Variants in HDAC9 observed in about 807,000 individuals in gnomAD.
HDAC9 encodes MEF-2 interacting transcription repressor (MITR) protein.
Under a neutral mutation model 139.4 loss-of-function variants are expected in HDAC9, and 41 were observed. The observed-to-expected ratio is 0.29, with a 90% CI of 0.23 to 0.38. HDAC9 has a LOEUF of 0.38. HDAC9 is among the 10% of genes least tolerant of loss of function. The pLI is 1.00. For missense variants in HDAC9, 1,147 were observed against 1,297.0 expected (o/e 0.88, Z 1.78); for synonymous variants, 517 against 476.2 (o/e 1.09, Z -1.12).
chr7:18,988,916 G>T (rs1438598261), intron 25 of HDAC9, among the ~76,000 whole-genome samples: 2 of 137,472 alleles, frequency 1.5e-5, no homozygotes, highest in Non-Finnish European at 3.1e-5. Flanking sequence ...CATTTGCTTG[G>T]TAGATCTTCC....
intron 2 of HDAC9, among the ~76,000 whole-genome samples, chr7:18,239,713 G>A (rs372010086): frequency 6.6e-6 from 1 of 152,138 alleles, no homozygotes; most frequent in Non-Finnish European, 1.5e-5. Context: ...TCTTCCTATA[G>A]TTTAATCAAA....
Position 18,449,847 on chromosome 7 carries a change from G to C in HDAC9, c.-41-46415G>C, listed in dbSNP as rs571242733. Among the ~76,000 whole-genome samples the C allele has an allele frequency of 3.3e-5, 5 of 152,166 alleles. No individual in the cohort carries two copies. In the South Asian group the frequency reaches 1.0e-3, roughly 32 times the overall value. On this transcript the variant is annotated intron_variant, in intron 1 of 3. Transcript: ENST00000413509. ...CTAATTATCTGTTTGCAGTATCTCA[G>C]ATAATGAAAATCTCCAATTTATACC...
At chr7:18,435,915 T>C (rs1791154971) in intron 1 of HDAC9, among the ~76,000 whole-genome samples, 1 of 148,020 alleles carries the variant, frequency 6.8e-6, no homozygotes, top group Admixed American at 6.8e-5. Flanking sequence ...ATATATAATA[T>C]ATAAAGAGAG....
chr7:18,994,608 C>G (rs1055667176), intron 25 of HDAC9, among the ~76,000 whole-genome samples: 1 of 151,894 alleles, frequency 6.6e-6, no homozygotes, highest in Non-Finnish European at 1.5e-5. Context: ...GATTATCATT[C>G]TTTATTTTTA....
At chr7:18,529,549 A>G (rs1166387079) in intron 2 of HDAC9, among the ~76,000 whole-genome samples, 1 of 152,216 alleles carries the variant, frequency 6.6e-6, no homozygotes, top group Non-Finnish European at 1.5e-5. Flanking sequence ...TTTGTTTGTT[A>G]AAAGAATTTG....
intron 14 of HDAC9, among the ~76,000 whole-genome samples, chr7:18,754,053 CATTAT>C (rs1201507370): frequency 6.6e-6 from 1 of 152,068 alleles, no homozygotes; most frequent in Non-Finnish European, 1.5e-5. Flanking sequence ...CATTAGTCCT[CATTAT>C]ATTAGATTAC....
chr7:18,888,996 A>C (rs1239144785), intron 22 of HDAC9, among the ~76,000 whole-genome samples: 1 of 152,212 alleles, frequency 6.6e-6, no homozygotes, highest in South Asian at 2.1e-4. Context: ...TTATTTTACC[A>C]AACAATTGAC....
Position 18,512,087 on chromosome 7 carries a change from G to C in HDAC9, c.22+15763G>C, listed in dbSNP as rs573181911. 2.0e-5 allele frequency among the ~76,000 whole-genome samples: 3 copies of C among 150,278 alleles called. No individual in the cohort carries two copies. The South Asian group carries it at 6.3e-4, about 32-fold the overall frequency. ...TGCAATAAAATTCAGTATACTTCCAGCATAGAAACTCTTATTAAACTAAAA... is the reference window on the plus strand; with the variant it reads ...TGCAATAAAATTCAGTATACTTCCACCATAGAAACTCTTATTAAACTAAAA... On this transcript the variant is annotated intron_variant, in intron 2 of 25. Coordinates refer to ENST00000686413, the MANE Select transcript of HDAC9 (RefSeq NM_178425.4).
At chr7:18,240,805 CCTT>C (rs779335947) in intron 2 of HDAC9, among the ~76,000 whole-genome samples, 1 of 152,214 alleles carries the variant, frequency 6.6e-6, no homozygotes, top group Non-Finnish European at 1.5e-5. Context: ...TCCACACTGG[CCTT>C]CTTGCTGGTT....
intron 1 of HDAC9, among the ~76,000 whole-genome samples, chr7:18,131,126 A>G (rs1405449527): frequency 1.3e-5 from 2 of 152,148 alleles, no homozygotes; most frequent in East Asian, 3.9e-4. Context: ...CAAATTGCAC[A>G]AAGCTTCCAT....
intron 2 of HDAC9, among the ~76,000 whole-genome samples, chr7:18,169,792 A>C (rs1259233728): frequency 1.3e-5 from 2 of 152,088 alleles, no homozygotes; most frequent in Admixed American, 1.3e-4. Flanking sequence ...ACATGAACTC[A>C]TCCTTTTTAT....
At chr7:18,306,054 T>TC (rs763555598) in intron 1 of HDAC9, among the ~76,000 whole-genome samples, 32 of 152,126 alleles carry the variant, frequency 2.1e-4, no homozygotes, top group Middle Eastern at 3.2e-3. Flanking sequence ...CCCAGGAAAC[T>TC]CCAATAGGGG....
At chr7:18,715,182 T>A (rs1784611011) in intron 12 of HDAC9, among the ~76,000 whole-genome samples, 1 of 152,052 alleles carries the variant, frequency 6.6e-6, no homozygotes, top group Non-Finnish European at 1.5e-5. Flanking sequence ...GACATTTTCT[T>A]ACATGCTATG....
At chr7:18,808,838 T>A (rs1447780011) in intron 17 of HDAC9, among the ~76,000 whole-genome samples, 1 of 151,766 alleles carries the variant, frequency 6.6e-6, no homozygotes, top group African/African-American at 2.4e-5. Flanking sequence ...AAAGTAATGT[T>A]AAACAAAAAC....
At chr7:18,898,724 G>C (rs887246428) in intron 22 of HDAC9, among the ~76,000 whole-genome samples, 1 of 151,886 alleles carries the variant, frequency 6.6e-6, no homozygotes, top group Non-Finnish European at 1.5e-5. Context: ...TGGAAAAAAA[G>C]GATAAGACTT....
At chr7:18,146,862 A>G (rs1290608158) in intron 1 of HDAC9, among the ~76,000 whole-genome samples, 1 of 152,148 alleles carries the variant, frequency 6.6e-6, no homozygotes, top group Non-Finnish European at 1.5e-5. Flanking sequence ...TAATCCTCTC[A>G]TAATGCCCTG....
At chr7:18,902,197 A>G (rs770422632) in intron 22 of HDAC9, among the ~76,000 whole-genome samples, 3 of 152,214 alleles carry the variant, frequency 2.0e-5, no homozygotes, top group Admixed American at 6.5e-5. Flanking sequence ...AACATGCACT[A>G]ATGCTGCTTT....
intron 1 of HDAC9, among the ~76,000 whole-genome samples, chr7:18,133,932 G>GCACA (rs112343375): frequency 0.14 from 20,089 of 145,738 alleles, 1,537 homozygotes; most frequent in African/African-American, 0.2. Flanking sequence ...ATACACGCGT[G>GCACA]CACACACACA....
At chr7:18,420,316 C>T (rs1261126860) in intron 1 of HDAC9, among the ~76,000 whole-genome samples, 2 of 152,160 alleles carry the variant, frequency 1.3e-5, no homozygotes, top group African/African-American at 4.8e-5. Flanking sequence ...ACTGACTTCT[C>T]TCATGTTACT....
Sources: allele counts gnomAD v4.1 joint callset (sites outside exome capture counted in the v4.1 genomes callset), GRCh38; gene constraint gnomAD v4.1.1; transcripts MANE v1.5; gene names NCBI Gene and HGNC (gene_info 2026-07-23, HGNC 2026-07-21).